Variants in SNRPN observed in about 807,000 individuals in gnomAD.
The protein encoded by SNRPN is small nuclear ribonucleoprotein polypeptide N.
A neutral mutation model predicts 25.2 loss-of-function variants in SNRPN; 7 were observed. The observed-to-expected ratio is 0.28, with a 90% CI of 0.16 to 0.52. SNRPN has a LOEUF of 0.52. SNRPN is among the 20% of genes least tolerant of loss of function. The pLI is 0.96. For synonymous variants in SNRPN, 124 were observed against 110.6 expected (o/e 1.12, Z -0.76); for missense variants, 196 against 322.5 (o/e 0.61, Z 3.00).
chr15:24,835,030 T>TAGTATATCTATATATAAA (rs1566807282), intron 2 of SNRPN, among the ~76,000 whole-genome samples: 2 of 62,220 alleles, frequency 3.2e-5, no homozygotes, highest in East Asian at 1.4e-3. Context: ...AATAGATATA[T>TAGTATATCTATATATAAA]ATAGTATATA....
chr15:24,868,331 G>A (rs1169652691), intron 1 of SNRPN, among the ~76,000 whole-genome samples: 2 of 152,154 alleles, frequency 1.3e-5, no homozygotes, highest in East Asian at 3.9e-4. Context: ...ATTGGATTAA[G>A]ATCCTCCATT....
chr15:24,835,884 C>T (rs117292838), intron 2 of SNRPN, among the ~76,000 whole-genome samples: 5,086 of 151,782 alleles, frequency 0.034, 125 homozygotes, highest in Non-Finnish European at 0.055. Flanking sequence ...AGGCTGGTCT[C>T]GAACTCCTAG....
intron 2 of SNRPN, among the ~76,000 whole-genome samples, chr15:24,887,053 T>C (rs912680934): frequency 2.6e-5 from 4 of 152,106 alleles, no homozygotes; most frequent in African/African-American, 7.2e-5. Flanking sequence ...TACTGACCCC[T>C]TAAATGTCCT....
chr15:24,860,920 G>A (rs574577282), intron 1 of SNRPN, among the ~76,000 whole-genome samples: 1 of 152,220 alleles, frequency 6.6e-6, no homozygotes, highest in East Asian at 1.9e-4. Context: ...TTGAGGTGAG[G>A]TGGTTCAACC....
chr15:24,958,308 G>C (rs981434351), intron 1 of SNRPN, among the ~76,000 whole-genome samples: 2 of 151,546 alleles, frequency 1.3e-5, no homozygotes, highest in Non-Finnish European at 2.9e-5. Context: ...CATTTAAGCA[G>C]GTTGTGAGTA....
chr15:24,952,809 A>C (rs2062385634), upstream of SNRPN, among the ~76,000 whole-genome samples: 1 of 152,228 alleles, frequency 6.6e-6, no homozygotes, highest in South Asian at 2.1e-4. Flanking sequence ...GTAAAAATTA[A>C]AAATACAAAA....
chr15:24,858,693 C>A (rs937187351), intron 1 of SNRPN, among the ~76,000 whole-genome samples: 1 of 151,526 alleles, frequency 6.6e-6, no homozygotes, highest in East Asian at 1.9e-4. Flanking sequence ...CCCAGCTACT[C>A]GGGAGGCTGA....
chr15:24,839,510 C>CT (rs1232075045), intron 2 of SNRPN, among the ~76,000 whole-genome samples: 2 of 152,086 alleles, frequency 1.3e-5, no homozygotes, highest in Non-Finnish European at 2.9e-5. Context: ...ACTCAATTGC[C>CT]ATTCCCTGAT....
intron 3 of SNRPN, among the ~76,000 whole-genome samples, chr15:24,922,703 C>T (rs2060100468): frequency 6.6e-6 from 1 of 151,758 alleles, no homozygotes; most frequent in African/African-American, 2.4e-5. Flanking sequence ...CTGTATTTAT[C>T]CATGTTGTGT....
At chr15:24,925,085 A>G (rs946531609) in intron 3 of SNRPN, among the ~76,000 whole-genome samples, 1 of 151,996 alleles carries the variant, frequency 6.6e-6, no homozygotes, top group Non-Finnish European at 1.5e-5. Flanking sequence ...TGATTATTTT[A>G]TCTATTGACT....
intron 5 of SNRPN, 98 bp downstream of exon 5, chr15:24,975,607 T>C: frequency 3.1e-6 from 3 of 972,310 alleles, no homozygotes; most frequent in Non-Finnish European, 4.8e-6. Flanking sequence ...CTGAAGTAGT[T>C]AGGGAAACTA....
At chr15:24,933,528 A>G (rs556404880) in intron 3 of SNRPN, among the ~76,000 whole-genome samples, 2 of 152,294 alleles carry the variant, frequency 1.3e-5, no homozygotes, top group African/African-American at 4.8e-5. Context: ...CTGTAATCCC[A>G]GCACTTCAGG....
chr15:24,885,184 G>A (rs1176245443), intron 1 of SNRPN, among the ~76,000 whole-genome samples: 1 of 152,014 alleles, frequency 6.6e-6, no homozygotes, highest in Non-Finnish European at 1.5e-5. Context: ...TCTGGATTTT[G>A]TGTTGTTGTA....
At chr15:24,977,673 C>A in intron 7 of SNRPN, 105 bp from the exon 8 acceptor site, 1 of 1,125,470 alleles carries the variant, frequency 8.9e-7, no homozygotes, top group Non-Finnish European at 1.2e-6. Flanking sequence ...AAGTACATTG[C>A]AACAGTTGTT....
chr15:24,856,829 G>A (rs2053442236), intron 1 of SNRPN: 1 of 151,928 alleles, frequency 6.6e-6, no homozygotes, highest in Non-Finnish European at 1.5e-5. Context: ...AACCAACTTC[G>A]CATGTTCGCA....
At chr15:24,969,474 C>T (rs1022324405) in intron 3 of SNRPN, among the ~76,000 whole-genome samples, 1 of 152,270 alleles carries the variant, frequency 6.6e-6, no homozygotes, top group Non-Finnish European at 1.5e-5. Context: ...CTGAGAAATC[C>T]TCCTTTCTTG....
intron 2 of SNRPN, among the ~76,000 whole-genome samples, chr15:24,964,961 G>A (rs1047775360): frequency 6.6e-6 from 1 of 152,180 alleles, no homozygotes; most frequent in Non-Finnish European, 1.5e-5. Context: ...AGGGTCTTGA[G>A]TTGGGGGAAT....
intron 3 of SNRPN, chr15:24,968,772 G>A (rs1008515332): frequency 1.3e-5 from 2 of 151,978 alleles, no homozygotes; most frequent in East Asian, 3.9e-4. Context: ...TTTAACCAAT[G>A]TATTTCCTCT....
At chr15:24,943,338 G>A (rs2061674778) in intron 3 of SNRPN, among the ~76,000 whole-genome samples, 1 of 152,120 alleles carries the variant, frequency 6.6e-6, no homozygotes, top group Admixed American at 6.5e-5. Flanking sequence ...GGTGGTATGT[G>A]CATGTTTTGT....
Sources: allele counts gnomAD v4.1 joint callset (sites outside exome capture counted in the v4.1 genomes callset), GRCh38; gene constraint gnomAD v4.1.1; transcripts MANE v1.5; gene names NCBI Gene and HGNC (gene_info 2026-07-23, HGNC 2026-07-21).